The following KCNH5 variants were observed in gnomAD, a reference collection of about 807,000 sequenced individuals.
KCNH5 encodes potassium voltage-gated channel subfamily H member 5.
KCNH5 carries 46 observed loss-of-function variants against 96.1 expected under a neutral mutation model. The ratio of observed to expected loss-of-function variants is 0.48; its 90% confidence interval spans 0.38 to 0.61. KCNH5 has a LOEUF of 0.61. Ranked by LOEUF, KCNH5 falls within the 20% of genes least tolerant of loss-of-function variation. KCNH5 has a pLI of 0.00. For missense variants in KCNH5, 907 were observed against 1,225.8 expected (o/e 0.74, Z 3.88); for synonymous variants, 439 against 449.8 (o/e 0.98, Z 0.30).
At chr14:62,924,572 T>C (rs990742779) in intron 7 of KCNH5, among the ~76,000 whole-genome samples, 1 of 151,866 alleles carries the variant, frequency 6.6e-6, no homozygotes, top group Non-Finnish European at 1.5e-5. Context: ...ATCAACCTAG[T>C]GACCATCAAC....
intron 8 of KCNH5, among the ~76,000 whole-genome samples, 198 bp from the exon 9 acceptor site, chr14:62,802,779 G>C (rs1433664322): frequency 6.6e-6 from 1 of 152,174 alleles, no homozygotes; most frequent in Non-Finnish European, 1.5e-5. Flanking sequence ...ATGGGCTGAT[G>C]AGCATATGGA....
intron 6 of KCNH5, among the ~76,000 whole-genome samples, chr14:62,970,759 T>G (rs538372593): frequency 1.5e-4 from 23 of 152,046 alleles, no homozygotes; most frequent in Non-Finnish European, 3.2e-4. Context: ...CATGATCATA[T>G]CAATGGATGT....
intron 8 of KCNH5, among the ~76,000 whole-genome samples, chr14:62,831,931 T>G (rs2140028339): frequency 6.6e-6 from 1 of 152,244 alleles, no homozygotes; most frequent in South Asian, 2.1e-4. Context: ...CAGGGTGGTC[T>G]TAAACTCCTT....
intron 10 of KCNH5, among the ~76,000 whole-genome samples, chr14:62,778,379 C>T (rs943175237): frequency 6.6e-5 from 10 of 152,236 alleles, no homozygotes; most frequent in African/African-American, 2.4e-4. Flanking sequence ...CCTCGTGGTT[C>T]AAACCTGTGT....
intron 7 of KCNH5, among the ~76,000 whole-genome samples, chr14:62,945,899 G>A (rs1363197224): frequency 3.3e-5 from 5 of 152,076 alleles, no homozygotes; most frequent in Non-Finnish European, 5.9e-5. Context: ...AGTGAAGTGA[G>A]TGAGGTAGGC....
chr14:62,880,355 C>T lies in KCNH5; in HGVS notation c.1370-30503G>A, dbSNP rs1265771314. On this transcript the variant is annotated intron_variant, in intron 7 of 10. Transcript: ENST00000322893. ...CCATATACCACTGTGAATTCTCAAACTTAAAGGAAAAAGATTTCAAAAGTA... is the reference window on the plus strand; with the variant it reads ...CCATATACCACTGTGAATTCTCAAATTTAAAGGAAAAAGATTTCAAAAGTA... Among the ~76,000 whole-genome samples the T allele has an allele frequency of 2.0e-5, 3 of 152,144 alleles. 1 individual carries two copies. Among genetic ancestry groups the T allele is most frequent in the Non-Finnish European group, 4.4e-5 (3 of 68,024 alleles).
chr14:62,972,627 GAATA>G (rs953524557), intron 6 of KCNH5, among the ~76,000 whole-genome samples: 1 of 151,610 alleles, frequency 6.6e-6, no homozygotes, highest in African/African-American at 2.4e-5. Flanking sequence ...GTAGGTGAAT[GAATA>G]AATAAACTGT....
intron 8 of KCNH5, among the ~76,000 whole-genome samples, chr14:62,814,665 C>G (rs962526658): frequency 6.6e-6 from 1 of 151,002 alleles, no homozygotes; most frequent in Non-Finnish European, 1.5e-5. Context: ...CACCTGTAGT[C>G]CTAGCTACCC....
Position 63,006,463 on chromosome 14 carries a change from A to G in KCNH5, c.207T>C (p.Tyr69=). The change falls in exon 3 of 11, where the codon TAT becomes TAC. Residue 69 remains tyrosine (Y), a synonymous_variant. Coordinates refer to ENST00000322893, the MANE Select transcript of KCNH5 (RefSeq NM_139318.5). ...MQKSSTCSFM[Y]GELTDKKTIE... is the part of the protein sequence containing the mutation. ...TGGTCTTCTTGTCAGTCAATTCCCC[A>G]TACATAAAACTGGGGGGGAAAAAAA... The G allele has an allele frequency of 2.5e-6, 4 of 1,602,462 alleles. No individual in the cohort carries two copies. The highest frequency in any genetic ancestry group is 3.4e-6 in the Non-Finnish European group (4 of 1,170,814).
intron 3 of KCNH5, among the ~76,000 whole-genome samples, chr14:63,004,911 G>C: frequency 6.6e-6 from 1 of 152,196 alleles, no homozygotes; most frequent in African/African-American, 2.4e-5. Flanking sequence ...AAATGTCAGA[G>C]AGTGAATGAC....
rs972049192 is a variant in KCNH5, at chr14:63,037,127, G to A, written c.73+7987C>T. ...AATGCTTATTTATGTGCCAGGCACC[G>A]TTCTCCGTACTTACATGTACTGCCT... is the stretch of plus-strand genomic sequence containing the variant. On this transcript the variant is annotated intron_variant, in intron 1 of 10. Transcript: ENST00000322893. 4.6e-5 allele frequency among the ~76,000 whole-genome samples: 7 copies of A among 152,162 alleles called. No individual in the cohort carries two copies. The South Asian group carries it at 8.3e-4, about 18-fold the overall frequency.
rs1003560202 is a variant in KCNH5, at chr14:62,700,723, T to C, written c.*6785A>G. 1 of 152,206 alleles carries C rather than the reference T, an allele frequency of 6.6e-6. No individual in the cohort carries two copies. Among genetic ancestry groups the C allele is most frequent in the Non-Finnish European group, 1.5e-5 (1 of 68,028 alleles). 9.4% of individuals were successfully genotyped at this position (152,206 alleles called of 1,614,324 possible). A position where few individuals can be genotyped will look rare whatever the true frequency, so the allele number is the denominator to read the frequency against. ...TTTGTTGTGATTTTGCATAGTTTACTAGCTAGGTATTCTTCCTGTTTGCAG... is the reference window on the plus strand; with the variant it reads ...TTTGTTGTGATTTTGCATAGTTTACCAGCTAGGTATTCTTCCTGTTTGCAG... On this transcript the variant is annotated 3_prime_UTR_variant, in exon 11 of 11. Coordinates refer to ENST00000322893, the MANE Select transcript of KCNH5 (RefSeq NM_139318.5).
intron 9 of KCNH5, among the ~76,000 whole-genome samples, chr14:62,796,243 C>G (rs552574512): frequency 1.3e-5 from 2 of 152,252 alleles, no homozygotes; most frequent in South Asian, 4.1e-4. Context: ...AACTCCTGAC[C>G]TCAAGTGATT....
At chr14:63,000,769 A>T (rs1179905715) in intron 4 of KCNH5, among the ~76,000 whole-genome samples, 1 of 152,144 alleles carries the variant, frequency 6.6e-6, no homozygotes, top group African/African-American at 2.4e-5. Flanking sequence ...TTCCAATCAT[A>T]TTGATTCAAA....
chr14:62,730,729 G>C (rs1319574140), intron 10 of KCNH5, among the ~76,000 whole-genome samples: 1 of 152,158 alleles, frequency 6.6e-6, no homozygotes, highest in Non-Finnish European at 1.5e-5. Flanking sequence ...TTTCTAATGG[G>C]ATGATATTAT....
chr14:62,777,926 T>C (rs1338292159), intron 10 of KCNH5, among the ~76,000 whole-genome samples: 2 of 152,158 alleles, frequency 1.3e-5, no homozygotes, highest in Non-Finnish European at 2.9e-5. Flanking sequence ...TCTGTTTCCA[T>C]TGTCCCTCCT....
intron 10 of KCNH5, among the ~76,000 whole-genome samples, chr14:62,735,502 A>G (rs1172134473): frequency 1.3e-5 from 2 of 152,208 alleles, no homozygotes; most frequent in Non-Finnish European, 2.9e-5. Flanking sequence ...TATCATTCAG[A>G]TAAGTACTGC....
chr14:62,935,529 TTAA>T (rs1386116862), intron 7 of KCNH5, among the ~76,000 whole-genome samples: 1 of 152,106 alleles, frequency 6.6e-6, no homozygotes, highest in Non-Finnish European at 1.5e-5. Flanking sequence ...GTGGTGTGAA[TTAA>T]TAATCCCTGG....
chr14:62,765,522 G>A (rs1885840916), intron 10 of KCNH5, among the ~76,000 whole-genome samples: 1 of 152,044 alleles, frequency 6.6e-6, no homozygotes, highest in African/African-American at 2.4e-5. Context: ...TTGACAAATG[G>A]GACCTAATTA....
Sources: gnomAD v4.1 joint callset for allele counts (sites outside exome capture counted in the v4.1 genomes callset) on GRCh38, gnomAD v4.1.1 for gene constraint, MANE v1.5 for transcripts, NCBI Gene and HGNC (gene_info 2026-07-23, HGNC 2026-07-21) for gene names.